Variants in ABCA12 observed in about 807,000 individuals in gnomAD.
ABCA12 encodes ATP binding cassette subfamily A member 12, also known as glucosylceramide transporter ABCA12.
Under a neutral mutation model 293.5 loss-of-function variants are expected in ABCA12, and 156 were observed. That is an observed-to-expected ratio of 0.53 (90% confidence interval 0.47 to 0.61). The LOEUF is 0.61. ABCA12 is among the 20% of genes least tolerant of loss of function. The probability of loss-of-function intolerance (pLI) is 0.00; values close to 1 mark genes in which losing one functional copy is unlikely to be tolerated. For synonymous variants in ABCA12, 1,063 were observed against 1,108.0 expected, an observed-to-expected ratio of 0.96 and a Z score of 0.81; for missense variants, 2,797 against 3,090.2, an observed-to-expected ratio of 0.91 and a Z score of 2.25.
chr2:215,010,228 G>C, intron 18 of ABCA12, 103 bp downstream of exon 18: 3 of 1,378,744 alleles, frequency 2.2e-6, no homozygotes, highest in Non-Finnish European at 3.1e-6. Context: ...AATAATAGTA[G>C]GTAAGATAGA....
intron 1 of ABCA12, among the ~76,000 whole-genome samples, chr2:215,118,672 A>G (rs1208884857): frequency 1.3e-5 from 2 of 152,164 alleles, no homozygotes; most frequent in East Asian, 3.9e-4. Flanking sequence ...TATGTACCAG[A>G]CAGTGGGGAT....
intron 3 of ABCA12, among the ~76,000 whole-genome samples, chr2:215,062,044 G>A (rs1411804155): frequency 3.3e-5 from 5 of 152,004 alleles, no homozygotes; most frequent in Non-Finnish European, 5.9e-5. Context: ...TTCACAAAAT[G>A]TCTGTCTCAA....
intron 22 of ABCA12, among the ~76,000 whole-genome samples, chr2:214,998,404 T>C (rs1183296768): frequency 1.3e-5 from 2 of 152,214 alleles, no homozygotes; most frequent in Admixed American, 1.3e-4. Flanking sequence ...GTGATCCACC[T>C]GCCTCGGCCT....
At position 214,955,311 on chromosome 2, in the gene ABCA12, G is replaced by A. The variant is rs147994168; in HGVS notation, c.6284C>T (p.Thr2095Ile). Reference sequence around the variant, plus strand: ...GACGTAAGTGATGAAGGCCATTCCTGTTTCATGGAAGAGCCCAGCCAGCAA... The same window carrying A: ...GACGTAAGTGATGAAGGCCATTCCTATTTCATGGAAGAGCCCAGCCAGCAA... The part of the protein sequence containing the change: ...MYLLAGLFHE[T>I]GMAFITYVCV... The change falls in exon 43 of 53, where the codon ACA (threonine) becomes ATA (isoleucine). Residue 2095 changes from threonine (T) to isoleucine (I), a missense_variant. Around this residue, in one of 3 missense-constraint regions of ABCA12, gnomAD observed 2,130 missense variants for 2,427.0 expected, o/e 0.88. Coordinates refer to ENST00000272895, the MANE Select transcript of ABCA12 (RefSeq NM_173076.3). The A allele has an allele frequency of 6.2e-7, 1 of 1,614,146 alleles. No homozygotes were observed. The highest frequency in any genetic ancestry group is 2.2e-5 in the East Asian group (1 of 44,868).
chr2:215,083,163 A>G (rs1437801628), intron 2 of ABCA12, among the ~76,000 whole-genome samples: 1 of 152,242 alleles, frequency 6.6e-6, no homozygotes, highest in East Asian at 1.9e-4. Flanking sequence ...GAGTACACTT[A>G]AACCAGACTA....
At chr2:215,084,646 C>A (rs1702004316) in intron 2 of ABCA12, among the ~76,000 whole-genome samples, 1 of 152,170 alleles carries the variant, frequency 6.6e-6, no homozygotes, top group Non-Finnish European at 1.5e-5. Flanking sequence ...ATCATCCCAA[C>A]TGCATAAAAT....
At chr2:215,067,089 T>C (rs1205770094) in intron 2 of ABCA12, among the ~76,000 whole-genome samples, 1 of 152,156 alleles carries the variant, frequency 6.6e-6, no homozygotes, top group African/African-American at 2.4e-5. Flanking sequence ...TTTTTTCCAT[T>C]CTTTTCCCAT....
chr2:215,018,109 T>C lies in ABCA12; in HGVS notation c.1681A>G (p.Asn561Asp), dbSNP rs1426779001. The C allele has an allele frequency of 1.9e-6, 3 of 1,613,542 alleles. No homozygotes were observed. The highest frequency in any genetic ancestry group is 2.5e-6 in the Non-Finnish European group (3 of 1,179,890). ...KPGQLLEMFK[N>D]VEELKEDLRR... Reference sequence around the variant, plus strand: ...AAATCTTCTTTCAGCTCTTCAACATTTTTAAACATTTCTAGTAACTGACCT... The same window carrying C: ...AAATCTTCTTTCAGCTCTTCAACATCTTTAAACATTTCTAGTAACTGACCT... Residue 561 changes from asparagine (N) to aspartate (D), a missense_variant, in exon 14 of 53, where the codon AAT (asparagine) becomes GAT (aspartate). Around this residue, in one of 3 missense-constraint regions of ABCA12, gnomAD observed 656 missense variants for 638.2 expected, o/e 1.03. Transcript: ENST00000272895.
At chr2:215,080,434 C>T (rs1045533260) in intron 2 of ABCA12, among the ~76,000 whole-genome samples, 1 of 151,454 alleles carries the variant, frequency 6.6e-6, no homozygotes, top group Non-Finnish European at 1.5e-5. Flanking sequence ...ACCCAGGAGG[C>T]GGAGGTTGCA....
Position 215,037,015 on chromosome 2 carries a change from C to T in ABCA12, c.923G>A (p.Gly308Asp). ...AACAGACTTCTGGAGGGTTCTGAAA[C>T]CTTCGTTAGTTGCAAAACGTGGATA... The part of the protein sequence containing the change: ...KVYPRFATNE[G>D]FRTLQKSVKH... Residue 308 changes from glycine to aspartate, a missense_variant, in exon 8 of 53, where the codon GGT becomes GAT. By Grantham distance (94) the Gly-to-Asp change is moderately conservative. Transcript: ENST00000272895. 2 of 1,613,922 alleles carry T rather than the reference C, an allele frequency of 1.2e-6. No homozygotes were observed. Among genetic ancestry groups the T allele is most frequent in the Non-Finnish European group, 1.7e-6 (2 of 1,179,882 alleles).
intron 2 of ABCA12, among the ~76,000 whole-genome samples, chr2:215,108,185 C>A (rs931222748): frequency 6.6e-6 from 1 of 152,094 alleles, no homozygotes; most frequent in Non-Finnish European, 1.5e-5. Context: ...TAAAGAGGAC[C>A]TAATTTCTAT....
intron 1 of ABCA12, among the ~76,000 whole-genome samples, chr2:215,137,338 CT>C (rs1703250807): frequency 6.6e-6 from 1 of 152,164 alleles, no homozygotes; most frequent in African/African-American, 2.4e-5. Flanking sequence ...GGAATTACCA[CT>C]TTAAAATAAA....
intron 1 of ABCA12, among the ~76,000 whole-genome samples, chr2:215,136,389 T>A (rs561902964): frequency 1.3e-5 from 2 of 152,114 alleles, no homozygotes; most frequent in South Asian, 2.1e-4. Context: ...AGGAAAAAAA[T>A]TTGTCATTAA....
chr2:215,118,172 C>T (rs1248075066), intron 1 of ABCA12, among the ~76,000 whole-genome samples: 1 of 152,068 alleles, frequency 6.6e-6, no homozygotes, highest in Non-Finnish European at 1.5e-5. Flanking sequence ...GAGGCCGAGG[C>T]GGGCAGATTG....
At chr2:215,084,153 GTTTGT>G (rs1187233975) in intron 2 of ABCA12, among the ~76,000 whole-genome samples, 1 of 151,912 alleles carries the variant, frequency 6.6e-6, no homozygotes, top group Non-Finnish European at 1.5e-5. Context: ...AAATTTTTTT[GTTTGT>G]TTTGTTTTGT....
chr2:214,971,464 A>G (rs1699383917), intron 36 of ABCA12, among the ~76,000 whole-genome samples: 1 of 152,166 alleles, frequency 6.6e-6, no homozygotes, highest in South Asian at 2.1e-4. Context: ...AAGACAAGAT[A>G]CAGAACAGGA....
intron 24 of ABCA12, 74 bp from the exon 25 acceptor site, chr2:214,989,695 T>G: frequency 6.6e-7 from 1 of 1,523,660 alleles, no homozygotes; most frequent in Non-Finnish European, 9.0e-7. Flanking sequence ...CCTAAAATAC[T>G]TAAAACTTTG....
chr2:215,128,367 T>C lies in ABCA12; in HGVS notation c.69+9773A>G, dbSNP rs192837306. On this transcript the variant is annotated intron_variant, in intron 1 of 52. Transcript: ENST00000272895. ...GTCTCTAGCAAGGCTGGGGAAGTTT[T>C]CCTCAATTATTCCCCTAAATGTGTT... 8.8e-3 allele frequency among the ~76,000 whole-genome samples: 1,343 copies of C among 152,380 alleles called. 23 individuals carry two copies. Among genetic ancestry groups the C allele is most frequent in the African/African-American group, 0.03 (1,257 of 41,590 alleles).
At chr2:214,942,720 A>G (rs1048968045) in intron 50 of ABCA12, among the ~76,000 whole-genome samples, 6 of 152,208 alleles carry the variant, frequency 3.9e-5, no homozygotes, top group Non-Finnish European at 7.3e-5. Flanking sequence ...TAAATTTATG[A>G]GTTAACTAAA....
Sources: gnomAD v4.1 joint callset for allele counts (sites outside exome capture counted in the v4.1 genomes callset) on GRCh38, gnomAD v4.1.1 for gene constraint, gnomAD v4.1.1 regional missense constraint, MANE v1.5 for transcripts, NCBI Gene and HGNC (gene_info 2026-07-23, HGNC 2026-07-21) for gene names.